Variants in USP31 observed in about 807,000 individuals in gnomAD.
USP31 encodes the protein ubiquitin carboxyl-terminal hydrolase 31.
A neutral mutation model predicts 119.4 loss-of-function variants in USP31; 44 were observed. The observed-to-expected ratio is 0.37, with a 90% CI of 0.29 to 0.47. The LOEUF is 0.47. Ranked by LOEUF, USP31 falls within the 20% of genes least tolerant of loss-of-function variation. USP31 has a pLI of 0.99. For missense variants in USP31, 1,643 were observed against 1,730.2 expected (o/e 0.95, Z 0.89); for synonymous variants, 749 against 705.6 (o/e 1.06, Z -0.97).
chr16:23,120,547 G>T (rs1293238691), intron 1 of USP31, among the ~76,000 whole-genome samples: 1 of 152,210 alleles, frequency 6.6e-6, no homozygotes, highest in Non-Finnish European at 1.5e-5. Context: ...AAAAATTAGA[G>T]AGAGAAAAAG....
At chr16:23,090,372 C>T (rs960205471) in intron 7 of USP31, among the ~76,000 whole-genome samples, 1 of 151,972 alleles carries the variant, frequency 6.6e-6, no homozygotes, top group African/African-American at 2.4e-5. Context: ...GGCAACACAG[C>T]GAGACTCCAT....
At chr16:23,137,716 C>A (rs1903235640) in intron 1 of USP31, among the ~76,000 whole-genome samples, 1 of 151,296 alleles carries the variant, frequency 6.6e-6, no homozygotes, top group Non-Finnish European at 1.5e-5. Flanking sequence ...AAGTATATGT[C>A]TGGAAATGTA....
intron 1 of USP31, among the ~76,000 whole-genome samples, chr16:23,124,453 C>T (rs540993885): frequency 2.5e-4 from 38 of 152,298 alleles, no homozygotes; most frequent in Admixed American, 7.8e-4. Flanking sequence ...TATTCAACGA[C>T]GATACAATGG....
Position 23,066,180 on chromosome 16 carries a change from G to T in USP31, c.*1866C>A, listed in dbSNP as rs1363494722. The T allele has an allele frequency of 6.6e-6, 1 of 152,416 alleles. No individual in the cohort carries two copies. The highest frequency in any genetic ancestry group is 6.5e-5 in the Admixed American group (1 of 15,282). 9.4% of individuals were successfully genotyped at this position (152,416 alleles called of 1,614,324 possible). ...CAGCGAGTGAAGAAGTGAGTACAGG[G>T]CTGAGTGCAATGGACAACAGGCTCA... On this transcript the variant is annotated 3_prime_UTR_variant, in exon 16 of 16. Transcript: ENST00000219689.
At chr16:23,112,241 T>G (rs1422276016) in intron 1 of USP31, among the ~76,000 whole-genome samples, 1 of 152,152 alleles carries the variant, frequency 6.6e-6, no homozygotes, top group African/African-American at 2.4e-5. Flanking sequence ...CAAATTCAAG[T>G]GCTTTTTTCT....
At chr16:23,079,835 C>T in intron 13 of USP31, 111 bp downstream of exon 13, 2 of 1,011,964 alleles carry the variant, frequency 2.0e-6, no homozygotes, top group Non-Finnish European at 2.8e-6. Flanking sequence ...TCACAGTTGG[C>T]ACACTGCCTA....
At position 23,069,410 on chromosome 16, in the gene USP31, T is replaced by C; in HGVS notation, c.2695A>G (p.Ile899Val). 6.2e-7 allele frequency: 1 copy of C among 1,613,290 alleles called. No individual in the cohort carries two copies. The highest frequency in any genetic ancestry group is 8.5e-7 in the Non-Finnish European group (1 of 1,179,346). Residue 899 changes from isoleucine (I) to valine (V), a missense_variant, in exon 16 of 16, where the codon ATT (isoleucine) becomes GTT (valine). By Grantham distance (29) the Ile-to-Val change is conservative (BLOSUM62 3). Coordinates refer to ENST00000219689, the MANE Select transcript of USP31 (RefSeq NM_020718.4). ...ACCTTGTCATCTGCTGCCTCCCCAA[T>C]CTTCTCCAAGGTGGAAGCAGAGCTG... is the stretch of plus-strand genomic sequence containing the variant. The part of the protein sequence containing the change: ...IHSSASTLEK[I>V]GEAADDKVSI...
chr16:23,121,145 C>A (rs1184389604), intron 1 of USP31, among the ~76,000 whole-genome samples: 1 of 152,258 alleles, frequency 6.6e-6, no homozygotes, highest in South Asian at 2.1e-4. Flanking sequence ...ATAAGCAGAT[C>A]CAGCAAGTTT....
chr16:23,134,089 TCA>T (rs10557354), intron 1 of USP31, among the ~76,000 whole-genome samples: 46,962 of 145,890 alleles, frequency 0.32, 7,665 homozygotes, highest in African/African-American at 0.41. Context: ...TCTCTCTCTC[TCA>T]CACACACACA....
rs572772816 is a variant in USP31 at position 23,082,868 on chromosome 16, T to A, written c.1831-311A>T. On this transcript the variant is annotated intron_variant, in intron 11 of 15. Transcript: ENST00000219689. Reference sequence around the variant, plus strand: ...TTTTTTGAAACAGAGTGTCACTCTATCACCCAGGCTGGAGTACAGTGGTGT... The same window carrying A: ...TTTTTTGAAACAGAGTGTCACTCTAACACCCAGGCTGGAGTACAGTGGTGT... Among the ~76,000 whole-genome samples, 4 of 146,650 alleles carry A rather than the reference T, an allele frequency of 2.7e-5. No individual in the cohort carries two copies. In the East Asian group the frequency reaches 8.1e-4, roughly 30 times the overall value.
At chr16:23,087,372 T>A (rs550725723) in intron 8 of USP31, among the ~76,000 whole-genome samples, 186 bp from the exon 9 acceptor site, 1 of 152,354 alleles carries the variant, frequency 6.6e-6, no homozygotes, top group East Asian at 1.9e-4. Flanking sequence ...CCAAATGCGA[T>A]TTACGTATCA....
rs760172401 is a variant in USP31, at chr16:23,148,880, G to A, written c.391C>T (p.Arg131Cys). ...ATGAAGCACGTGTTGCCGTGGTTGC[G>A]GAGCCCCGCCACGCCGGGCACCGGC... ...AEPVPGVAGL[R>C]NHGNTCFMNA... Residue 131 changes from arginine to cysteine, a missense_variant, in exon 1 of 16, where the codon CGC becomes TGC. Around this residue, in one of 5 missense-constraint regions of USP31, gnomAD observed 302 missense variants for 262.6 expected, o/e 1.15. Transcript: ENST00000219689. The A allele has an allele frequency of 2.0e-6, 3 of 1,470,916 alleles. No individual in the cohort carries two copies. The South Asian group carries it at 4.2e-5, about 20-fold the overall frequency. The allele number at this position is 1,470,916 out of a possible 1,614,324, so 91.1% of individuals were successfully genotyped here.
At chr16:23,099,898 T>C (rs1901773917) in intron 6 of USP31, among the ~76,000 whole-genome samples, 1 of 152,202 alleles carries the variant, frequency 6.6e-6, no homozygotes, top group African/African-American at 2.4e-5. Context: ...CCAAATATGA[T>C]ATACAAATGG....
chr16:23,081,822 GCT>G (rs1900842291), intron 12 of USP31, among the ~76,000 whole-genome samples: 1 of 152,132 alleles, frequency 6.6e-6, no homozygotes, highest in Non-Finnish European at 1.5e-5. Flanking sequence ...TGCACACACT[GCT>G]CTCTCTGCCC....
intron 9 of USP31, 63 bp downstream of exon 9, chr16:23,087,029 T>C (rs1242066382): frequency 7.8e-7 from 1 of 1,278,012 alleles, no homozygotes; most frequent in Non-Finnish European, 1.1e-6. Flanking sequence ...AAGACATCAC[T>C]TGAAATCACA....
At chr16:23,084,144 T>C (rs532636756) in intron 11 of USP31, among the ~76,000 whole-genome samples, 3 of 152,348 alleles carry the variant, frequency 2.0e-5, no homozygotes, top group Admixed American at 1.3e-4. Context: ...GAGTTACAAC[T>C]AGTAGTCAAA....
chr16:23,095,603 G>A (rs1368776166), intron 6 of USP31, among the ~76,000 whole-genome samples: 3 of 152,210 alleles, frequency 2.0e-5, no homozygotes, highest in African/African-American at 7.2e-5. Flanking sequence ...AGAGTGAAAG[G>A]TCAGGTTACC....
intron 1 of USP31, among the ~76,000 whole-genome samples, chr16:23,141,976 T>C (rs943758080): frequency 6.6e-6 from 1 of 152,254 alleles, no homozygotes; most frequent in Non-Finnish European, 1.5e-5. Flanking sequence ...CCCAGTGAAC[T>C]TTCCTCATCA....
Position 23,149,115 on chromosome 16 carries a change from G to T in USP31, c.156C>A (p.Pro52=). Residue 52 remains proline, a synonymous_variant, in exon 1 of 16, where the codon CCC becomes CCA. Transcript: ENST00000219689. ...CCGAGCGTGCAGAGGAGGGCGAGGAGGGCGAGGAAGGCGCGGCCGGCCCGG... is the reference window on the plus strand; with the variant it reads ...CCGAGCGTGCAGAGGAGGGCGAGGATGGCGAGGAAGGCGCGGCCGGCCCGG... ...GASGPAAPSS[P]SSPSSARSVG... The T allele has an allele frequency of 1.6e-6, 2 of 1,259,066 alleles. No homozygotes were observed. Among genetic ancestry groups the T allele is most frequent in the Admixed American group, 2.8e-5 (1 of 35,366 alleles). 78.0% of individuals were successfully genotyped at this position (1,259,066 alleles called of 1,614,324 possible). A position where few individuals can be genotyped will look rare whatever the true frequency, so the allele number is the denominator to read the frequency against.
Sources: allele counts gnomAD v4.1 joint callset (sites outside exome capture counted in the v4.1 genomes callset), GRCh38; gene constraint gnomAD v4.1.1; regional missense constraint gnomAD v4.1.1; transcripts MANE v1.5; gene names NCBI Gene and HGNC (gene_info 2026-07-23, HGNC 2026-07-21).